Variants in SENP7 observed in about 807,000 individuals in gnomAD.
SENP7 encodes sentrin-specific protease 7.
In SENP7, 64 loss-of-function variants were observed where a neutral mutation model predicts 141.2. The ratio of observed to expected loss-of-function variants is 0.45; its 90% CI spans 0.37 to 0.56. SENP7 has a LOEUF of 0.56. SENP7 is among the 20% of genes least tolerant of loss of function. The pLI is 0.00. For missense variants in SENP7, 1,025 were observed against 1,212.2 expected, an observed-to-expected ratio of 0.85 and a Z score of 2.29; for synonymous variants, 382 against 426.4, an observed-to-expected ratio of 0.90 and a Z score of 1.28.
intron 5 of SENP7, among the ~76,000 whole-genome samples, chr3:101,404,931 C>T (rs776401257): frequency 2.6e-5 from 4 of 152,134 alleles, no homozygotes; most frequent in Non-Finnish European, 5.9e-5. Flanking sequence ...ATCTACAAGC[C>T]AAAGAGAGAG....
chr3:101,478,283 C>A (rs1215485376), intron 3 of SENP7, among the ~76,000 whole-genome samples: 1 of 151,978 alleles, frequency 6.6e-6, no homozygotes, highest in African/African-American at 2.4e-5. Flanking sequence ...TTTGAAAGGC[C>A]AAGTTGGGAG....
At chr3:101,349,781 T>A (rs551102789) in intron 12 of SENP7, among the ~76,000 whole-genome samples, 110 of 152,240 alleles carry the variant, frequency 7.2e-4, no homozygotes, top group Non-Finnish European at 1.2e-3. Flanking sequence ...GCCCCCAATA[T>A]ATGGTTTATT....
intron 1 of SENP7, among the ~76,000 whole-genome samples, chr3:101,509,123 A>G (rs1260557200): frequency 6.6e-6 from 1 of 151,922 alleles, no homozygotes; most frequent in African/African-American, 2.4e-5. Flanking sequence ...CCTACCTGAT[A>G]TATATTCAAT....
chr3:101,481,718 T>C (rs796592113), intron 3 of SENP7, among the ~76,000 whole-genome samples: 1 of 152,200 alleles, frequency 6.6e-6, no homozygotes. Context: ...ATTTGGTCAT[T>C]ACACATTCTT....
rs746139340 is a variant in SENP7 at position 101,330,291 on chromosome 3, T to C, written c.2751+43A>G. On this transcript the variant is annotated intron_variant, in intron 20 of 23. Coordinates refer to ENST00000394095, the MANE Select transcript of SENP7 (RefSeq NM_020654.5). ...TATTTTACAGATAACATTATTATAT[T>C]CATGAGTTTTCCTTCCTTCCCATCT... is the stretch of plus-strand genomic sequence containing the variant. The C allele has an allele frequency of 5.1e-6, 7 of 1,384,414 alleles. No individual in the cohort carries two copies. The South Asian group carries it at 8.2e-5, about 16-fold the overall frequency. The allele number at this position is 1,384,414 out of a possible 1,614,324, so 85.8% of individuals were successfully genotyped here. A position where few individuals can be genotyped will look rare whatever the true frequency, so the allele number is the denominator to read the frequency against.
chr3:101,405,976 A>G (rs532363252), intron 5 of SENP7, among the ~76,000 whole-genome samples: 1 of 152,320 alleles, frequency 6.6e-6, no homozygotes, highest in South Asian at 2.1e-4. Flanking sequence ...CCTCTTTTAC[A>G]CTGTTGGTGG....
rs11348061 is a variant in SENP7 at position 101,380,435 on chromosome 3, G to GC, written c.678-8310dup. Among the ~76,000 whole-genome samples the GC allele has an allele frequency of 3.8e-3, 366 of 95,130 alleles. 3 individuals carry two copies. The highest frequency in any genetic ancestry group is 7.8e-3 in the African/African-American group (229 of 29,476). 62.4% of individuals were successfully genotyped at this position (95,130 alleles called of 152,430 possible). The stretch of plus-strand genomic sequence containing the variant: ...CTTCTAGAACGTAAAGCAAACCACC[G>GC]CCCCCCCCCCCACACACACACACAA... On this transcript the variant is annotated intron_variant, in intron 6 of 23. Transcript: ENST00000394095.
intron 1 of SENP7, among the ~76,000 whole-genome samples, chr3:101,508,079 A>G (rs893112574): frequency 6.7e-6 from 1 of 149,092 alleles, no homozygotes; most frequent in Non-Finnish European, 1.5e-5. Context: ...AATTGGATAT[A>G]TTCCCTTGCC....
chr3:101,413,464 G>A (rs2061510285), intron 5 of SENP7, among the ~76,000 whole-genome samples: 1 of 152,118 alleles, frequency 6.6e-6, no homozygotes. Context: ...ATGTAACTCT[G>A]GTGAGAAGCA....
intron 5 of SENP7, among the ~76,000 whole-genome samples, chr3:101,404,479 T>G (rs566308907): frequency 6.6e-6 from 1 of 152,290 alleles, no homozygotes; most frequent in East Asian, 1.9e-4. Flanking sequence ...GAAGAAAATT[T>G]AGGCAATACC....
chr3:101,364,262 T>G (rs762821230), intron 10 of SENP7, among the ~76,000 whole-genome samples: 8 of 127,234 alleles, frequency 6.3e-5, no homozygotes, highest in Non-Finnish European at 6.9e-5. Flanking sequence ...GAAAGAATAC[T>G]GATAATAAAT....
At chr3:101,420,526 T>C (rs2061761070) in intron 4 of SENP7, among the ~76,000 whole-genome samples, 1 of 152,212 alleles carries the variant, frequency 6.6e-6, no homozygotes, top group Non-Finnish European at 1.5e-5. Flanking sequence ...ATGCCACAAA[T>C]ATCCTTTTTT....
chr3:101,372,786 G>C (rs973514965), intron 6 of SENP7, among the ~76,000 whole-genome samples: 1 of 151,884 alleles, frequency 6.6e-6, no homozygotes, highest in Non-Finnish European at 1.5e-5. Flanking sequence ...AAGAGGGAGA[G>C]TATTAGAATC....
intron 2 of SENP7, among the ~76,000 whole-genome samples, chr3:101,494,398 C>A (rs2065083669): frequency 6.6e-6 from 1 of 152,222 alleles, no homozygotes; most frequent in African/African-American, 2.4e-5. Context: ...AAAACTACAA[C>A]CCAACCACAA....
At chr3:101,383,009 T>G (rs2107505635) in intron 6 of SENP7, among the ~76,000 whole-genome samples, 1 of 152,158 alleles carries the variant, frequency 6.6e-6, no homozygotes, top group East Asian at 1.9e-4. Flanking sequence ...TAACAGAAAC[T>G]CATATAAGAA....
At chr3:101,472,055 G>GAATGTAAATTAGTTC (rs2064020346) in intron 3 of SENP7, among the ~76,000 whole-genome samples, 2 of 152,346 alleles carry the variant, frequency 1.3e-5, no homozygotes, top group Admixed American at 1.3e-4. Context: ...CTGTTGGTGG[G>GAATGTAAATTAGTTC]AATGTAAATT....
At chr3:101,442,759 AAC>A (rs2107782879) in intron 4 of SENP7, among the ~76,000 whole-genome samples, 1 of 152,350 alleles carries the variant, frequency 6.6e-6, no homozygotes, top group East Asian at 1.9e-4. Flanking sequence ...TGAAATAAAA[AAC>A]ACAATTAAGA....
intron 5 of SENP7, chr3:101,414,774 C>G: frequency 5.3e-6 from 3 of 568,470 alleles, no homozygotes; most frequent in Non-Finnish European, 9.4e-6. Flanking sequence ...TCACTTGCCT[C>G]TAGACACTGG....
chr3:101,506,023 T>A (rs1010362799), intron 1 of SENP7, among the ~76,000 whole-genome samples: 8 of 149,036 alleles, frequency 5.4e-5, no homozygotes, highest in African/African-American at 2.0e-4. Context: ...TTCCATAATT[T>A]TTTTTTTTTT....
Sources: allele counts gnomAD v4.1 joint callset (sites outside exome capture counted in the v4.1 genomes callset), GRCh38; gene constraint gnomAD v4.1.1; transcripts MANE v1.5; gene names NCBI Gene and HGNC (gene_info 2026-07-23, HGNC 2026-07-21).